Variants in GPHN observed in about 807,000 individuals in gnomAD.
GPHN encodes the protein gephyrin.
GPHN carries 17 observed loss-of-function variants against 95.5 expected under a neutral mutation model. That is an observed-to-expected ratio of 0.18 (90% CI 0.12 to 0.27). The LOEUF (loss-of-function observed/expected upper bound fraction) is 0.27, where lower values mean the gene tolerates loss of function less well. GPHN is among the 10% of genes least tolerant of loss of function. The probability of loss-of-function intolerance (pLI) is 1.00; values close to 1 mark genes in which losing one functional copy is unlikely to be tolerated. For missense variants in GPHN, 660 were observed against 978.1 expected (o/e 0.67, Z 4.34); for synonymous variants, 320 against 322.5 (o/e 0.99, Z 0.08).
chr14:66,695,839 G>C (rs774851870), intron 2 of GPHN, among the ~76,000 whole-genome samples: 8 of 152,222 alleles, frequency 5.3e-5, no homozygotes, highest in Non-Finnish European at 1.2e-4. Flanking sequence ...ATCAGTGCTT[G>C]CCAGAGGTTA....
intron 2 of GPHN, among the ~76,000 whole-genome samples, chr14:66,749,942 G>A (rs2058306255): frequency 6.6e-6 from 1 of 151,616 alleles, no homozygotes; most frequent in South Asian, 2.1e-4. Flanking sequence ...TCACATCAGG[G>A]TAAATGGAGT....
chr14:67,134,954 T>TTC (rs1567384049), intron 17 of GPHN, among the ~76,000 whole-genome samples: 3 of 79,050 alleles, frequency 3.8e-5, no homozygotes, highest in East Asian at 2.7e-4. Flanking sequence ...TTCTTTCTTC[T>TTC]TTTTTTTTTT....
the GPHN span, chr14:67,562,360 G>T: frequency 6.2e-7 from 1 of 1,613,688 alleles, no homozygotes; most frequent in African/African-American, 1.3e-5. Flanking sequence ...GTTCCAGCAC[G>T]GTCCATTCTG....
chr14:67,674,154 T>C, the GPHN span, among the ~76,000 whole-genome samples: 15 of 152,272 alleles, frequency 9.9e-5, no homozygotes, highest in East Asian at 2.5e-3. Flanking sequence ...TGAGAAAATG[T>C]GGAAGGCCAT....
the GPHN span, among the ~76,000 whole-genome samples, chr14:67,554,072 C>T: frequency 6.6e-6 from 1 of 152,076 alleles, no homozygotes; most frequent in East Asian, 1.9e-4. Context: ...ACTCTCTGTC[C>T]AAGGGAATGT....
At chr14:67,207,205 G>A in the GPHN span, among the ~76,000 whole-genome samples, 1 of 152,034 alleles carries the variant, frequency 6.6e-6, no homozygotes, top group African/African-American at 2.4e-5. Context: ...AGAAAAGAGG[G>A]TTAATTGGCT....
At chr14:67,699,411 T>C in the GPHN span, among the ~76,000 whole-genome samples, 487 of 151,216 alleles carry the variant, frequency 3.2e-3, 15 homozygotes, top group East Asian at 0.08. Context: ...AAAAAATAAA[T>C]GAATAAATAA....
At chr14:66,833,954 T>C (rs1246378569) in intron 4 of GPHN, among the ~76,000 whole-genome samples, 1 of 152,152 alleles carries the variant, frequency 6.6e-6, no homozygotes, top group African/African-American at 2.4e-5. Context: ...ACAAAGACCT[T>C]CATGTTCAAA....
chr14:66,782,231 A>G (rs765372720), intron 3 of GPHN, among the ~76,000 whole-genome samples: 26 of 152,196 alleles, frequency 1.7e-4, no homozygotes, highest in Non-Finnish European at 2.5e-4. Context: ...GGACATATGC[A>G]TACTTAAGTC....
the GPHN span, among the ~76,000 whole-genome samples, chr14:67,379,262 C>T: frequency 6.6e-6 from 1 of 152,102 alleles, no homozygotes. Context: ...GATTATATAT[C>T]TTTAAACTGA....
the GPHN span, chr14:67,343,401 G>A: frequency 3.1e-6 from 5 of 1,612,094 alleles, no homozygotes; most frequent in South Asian, 4.4e-5. Context: ...ACGCCTGTTG[G>A]TTATCTTAAT....
At chr14:67,244,558 A>G in the GPHN span, among the ~76,000 whole-genome samples, 1 of 152,234 alleles carries the variant, frequency 6.6e-6, no homozygotes, top group African/African-American at 2.4e-5. Context: ...CTGTGCAACT[A>G]CCACAATCAA....
At chr14:67,387,471 G>C in the GPHN span, 112 of 1,592,710 alleles carry the variant, frequency 7.0e-5, no homozygotes, top group Admixed American at 2.9e-4. Flanking sequence ...GCAGAAAAAA[G>C]GGGGAAAAAA....
the GPHN span, chr14:67,691,305 G>T: frequency 9.2e-7 from 1 of 1,085,052 alleles, no homozygotes; most frequent in Non-Finnish European, 1.4e-6. Context: ...ATCTTAGAAA[G>T]CTGCCTCACG....
the GPHN span, among the ~76,000 whole-genome samples, chr14:67,541,613 T>C: frequency 3.3e-5 from 5 of 152,172 alleles, no homozygotes; most frequent in African/African-American, 1.2e-4. Flanking sequence ...GGTTTCGCGG[T>C]TTCCTGAGGC....
At chr14:67,579,987 G>C in the GPHN span, 1 of 1,039,780 alleles carries the variant, frequency 9.6e-7, no homozygotes, top group Non-Finnish European at 1.4e-6. Flanking sequence ...ATTTGGTGCT[G>C]AGCCCAAGGT....
Position 66,570,259 on chromosome 14 carries a change from A to C in GPHN, c.64+61668A>C, listed in dbSNP as rs142593760. 1.2e-3 allele frequency among the ~76,000 whole-genome samples: 178 copies of C among 149,146 alleles called. 2 individuals are homozygous for C. The highest frequency in any genetic ancestry group is 5.6e-3 in the Admixed American group (84 of 14,936). On this transcript the variant is annotated intron_variant, in intron 1 of 22. Coordinates refer to ENST00000478722, the MANE Select transcript of GPHN (RefSeq NM_020806.5). The stretch of plus-strand genomic sequence containing the variant: ...GAATAATGCTGAAATAAAACATGGG[A>C]GTGCAGATATCTATTTGACATACTG...
the GPHN span, chr14:67,208,344 C>T: frequency 6.2e-7 from 1 of 1,613,898 alleles, no homozygotes; most frequent in Non-Finnish European, 8.5e-7. Context: ...ACTACCTTGA[C>T]CCCAGTAGAA....
chr14:67,256,693 A>G, the GPHN span, among the ~76,000 whole-genome samples: 13 of 152,044 alleles, frequency 8.6e-5, no homozygotes, highest in Non-Finnish European at 1.6e-4. Context: ...GATTACAGGC[A>G]TGTGCCACCA....
Sources: gnomAD v4.1 joint callset for allele counts (sites outside exome capture counted in the v4.1 genomes callset) on GRCh38, gnomAD v4.1.1 for gene constraint, MANE v1.5 for transcripts, NCBI Gene and HGNC (gene_info 2026-07-23, HGNC 2026-07-21) for gene names.